The following LAIR1 variants were observed in gnomAD, a reference collection of about 807,000 sequenced individuals.
LAIR1 encodes the protein leukocyte associated immunoglobulin like receptor 1, also known as leukocyte-associated immunoglobulin-like receptor 1.
In LAIR1, 24 loss-of-function variants were observed where a neutral mutation model predicts 32.8. That is an observed-to-expected ratio of 0.73 (90% CI 0.53 to 1.03). The LOEUF (loss-of-function observed/expected upper bound fraction) is 1.03. Among genes scored for constraint, LAIR1 ranks in the 50% least tolerant of loss-of-function variants. LAIR1 has a pLI of 0.00. For synonymous variants in LAIR1, 150 were observed against 140.5 expected (o/e 1.07, Z -0.48); for missense variants, 355 against 347.5 (o/e 1.02, Z -0.17).
rs1436844742 is a variant in LAIR1, at chr19:54,351,785, C to T, written c.*3483G>A. 5.9e-5 allele frequency: 9 copies of T among 151,884 alleles called. No individual in the cohort carries two copies. Among genetic ancestry groups the T allele is most frequent in the Non-Finnish European group, 1.0e-4 (7 of 67,990 alleles). 9.4% of individuals were successfully genotyped at this position (151,884 alleles called of 1,614,324 possible). A position where few individuals can be genotyped will look rare whatever the true frequency, so the allele number is the denominator to read the frequency against. On this transcript the variant is annotated 3_prime_UTR_variant, in exon 10 of 10. Coordinates refer to ENST00000391742, the MANE Select transcript of LAIR1 (RefSeq NM_002287.6). ...ATGGGGCTATGACAGAGAAGGTAGA[C>T]GAGGTGTTGGGCAGCCCTGGACACC...
chr19:54,375,121 G>C (rs2082478317), upstream of LAIR1, among the ~76,000 whole-genome samples: 1 of 152,224 alleles, frequency 6.6e-6, no homozygotes, highest in Non-Finnish European at 1.5e-5. Context: ...AGCCTGGGCT[G>C]CGAAGCCTGA....
In LAIR1 at chr19:54,354,938, G is replaced by C. The variant is rs1460038050; in HGVS notation, c.*330C>G. 3 of 266,466 alleles carry C rather than the reference G, an allele frequency of 1.1e-5. No individual in the cohort carries two copies. The highest frequency in any genetic ancestry group is 2.1e-5 in the Non-Finnish European group (3 of 142,100). 16.5% of individuals were successfully genotyped at this position (266,466 alleles called of 1,614,324 possible). ...TGGCTGTAGCTGGGCCTTTAGAACA[G>C]GCAGGTGACTTTAGCTGGGTCTCTG... On this transcript the variant is annotated 3_prime_UTR_variant, in exon 10 of 10. Coordinates refer to ENST00000391742, the MANE Select transcript of LAIR1 (RefSeq NM_002287.6).
chr19:54,371,073 A>C (rs1414658628), upstream of LAIR1, among the ~76,000 whole-genome samples: 8 of 151,296 alleles, frequency 5.3e-5, no homozygotes, highest in Non-Finnish European at 1.2e-4. Context: ...CATGTAAAAA[A>C]AAATCAACGT....
upstream of LAIR1, among the ~76,000 whole-genome samples, chr19:54,372,527 G>A (rs1009582704): frequency 9.9e-5 from 13 of 131,392 alleles, no homozygotes; most frequent in Non-Finnish European, 3.1e-5. Flanking sequence ...GTCTCACTCT[G>A]TCACCCAGGC....
In LAIR1 at chr19:54,364,279, C is replaced by A; in HGVS notation, c.70+16G>T. ...GACAGAGGGGACTGGGAAGATGGGA[C>A]GAAGGCATGACTTACCCTCCTGCGT... On this transcript the variant is annotated intron_variant, in intron 2 of 9. Transcript: ENST00000391742. This position sits in a 1 kb window ranked among gnomAD's most constrained non-coding sequence, Gnocchi z 4.8. The A allele has an allele frequency of 2.5e-6, 4 of 1,610,644 alleles. No individual in the cohort carries two copies. The highest frequency in any genetic ancestry group is 3.4e-6 in the Non-Finnish European group (4 of 1,177,258).
upstream of LAIR1, among the ~76,000 whole-genome samples, chr19:54,372,631 C>G (rs1416344913): frequency 1.3e-5 from 2 of 150,442 alleles, no homozygotes; most frequent in Admixed American, 6.6e-5. Flanking sequence ...ACTGGGATTA[C>G]AGGCATGCAC....
rs1200742668 is a variant in LAIR1 at position 54,364,654 on chromosome 19, G to A, written c.34+117C>T. ...CCAGGGAGAGCAGCAGGGCAGTCTT[G>A]GGAGGAGGAGGACACTTTCCTCCCC... is the stretch of plus-strand genomic sequence containing the variant. On this transcript the variant is annotated intron_variant, in intron 1 of 9. Coordinates refer to ENST00000391742, the MANE Select transcript of LAIR1 (RefSeq NM_002287.6). The surrounding 1 kb of genome is among the most constrained non-coding windows in gnomAD (Gnocchi z 4.8). 2.9e-5 allele frequency: 27 copies of A among 946,604 alleles called. No individual in the cohort carries two copies. Among genetic ancestry groups the A allele is most frequent in the Non-Finnish European group, 4.2e-5 (24 of 577,660 alleles). The allele number at this position is 946,604 out of a possible 1,614,324, so 58.6% of individuals were successfully genotyped here.
intron 2 of LAIR1, among the ~76,000 whole-genome samples, chr19:54,361,708 G>A (rs1193426446): frequency 6.8e-6 from 1 of 146,676 alleles, no homozygotes; most frequent in East Asian, 2.0e-4. Context: ...TTGAGGGTCT[G>A]GTGGGGTGAG....
chr19:54,371,705 A>C (rs1354968473), upstream of LAIR1, among the ~76,000 whole-genome samples: 1 of 151,612 alleles, frequency 6.6e-6, no homozygotes, highest in Non-Finnish European at 1.5e-5. Flanking sequence ...TAATGATGAA[A>C]TCATCATTCA....
rs759349903 is a variant in LAIR1, at chr19:54,358,569, C to A, written c.415+1453G>T. On this transcript the variant is annotated intron_variant, in intron 4 of 9. Coordinates refer to ENST00000391742, the MANE Select transcript of LAIR1 (RefSeq NM_002287.6). ...CATTGAAGTTCACAAGACGGGAGGC[C>A]ATTTCTCCTCATTCTTGGTGCATCA... 1.9e-6 allele frequency: 3 copies of A among 1,609,810 alleles called. No individual in the cohort carries two copies. In the African/African-American group the frequency reaches 4.1e-5, roughly 22 times the overall value.
intron 8 of LAIR1, 53 bp downstream of exon 8, chr19:54,356,177 C>A (rs2081693395): frequency 6.8e-7 from 1 of 1,480,646 alleles, no homozygotes; most frequent in Non-Finnish European, 9.3e-7. Context: ...TCTGGATTGG[C>A]ACCAAGTCCC....
chr19:54,363,136 C>G (rs2082104629), intron 2 of LAIR1, among the ~76,000 whole-genome samples: 1 of 151,706 alleles, frequency 6.6e-6, no homozygotes, highest in Admixed American at 6.6e-5. Flanking sequence ...ATCGCCAGTC[C>G]CTGGGGTCAG....
chr19:54,355,021 G>C lies in LAIR1; in HGVS notation c.*247C>G, dbSNP rs529702973. The stretch of plus-strand genomic sequence containing the variant: ...GAAACAGCCAGGGAACTGTAGCTGG[G>C]TCTCTGGAAATAACTGAGAAACAGT... On this transcript the variant is annotated 3_prime_UTR_variant, in exon 10 of 10. Coordinates refer to ENST00000391742, the MANE Select transcript of LAIR1 (RefSeq NM_002287.6). This position sits in a 1 kb window ranked among gnomAD's most constrained non-coding sequence, Gnocchi z 4.7. 21 of 403,108 alleles carry C rather than the reference G, an allele frequency of 5.2e-5. No individual in the cohort carries two copies. The highest frequency in any genetic ancestry group is 8.8e-5 in the Non-Finnish European group (20 of 227,776). 25.0% of individuals were successfully genotyped at this position (403,108 alleles called of 1,614,324 possible). A position where few individuals can be genotyped will look rare whatever the true frequency, so the allele number is the denominator to read the frequency against.
rs185218606 is a variant in LAIR1 at position 54,364,911 on chromosome 19, T to C, written c.-107A>G. 2,831 of 1,601,766 alleles carry C rather than the reference T, an allele frequency of 1.8e-3. 4 individuals are homozygous for C. The highest frequency in any genetic ancestry group is 5.0e-3 in the African/African-American group (375 of 74,752). On this transcript the variant is annotated 5_prime_UTR_variant, in exon 1 of 10. In the 5' UTR this introduces an upstream ATG that the reference lacks. Coordinates refer to ENST00000391742, the MANE Select transcript of LAIR1 (RefSeq NM_002287.6). This position sits in a 1 kb window ranked among gnomAD's most constrained non-coding sequence, Gnocchi z 4.8. Reference sequence around the variant, plus strand: ...ATGTGCTGCCCGGGGGCCTCCTGCCTATGGGGCTTCCACAGCAACTGCCTC... The same window carrying C: ...ATGTGCTGCCCGGGGGCCTCCTGCCCATGGGGCTTCCACAGCAACTGCCTC...
chr19:54,366,060 G>T (rs2082243085), upstream of LAIR1, among the ~76,000 whole-genome samples: 2 of 152,156 alleles, frequency 1.3e-5, no homozygotes, highest in Admixed American at 1.3e-4. Flanking sequence ...CAGGAGATCT[G>T]CAAAGTCACC....
chr19:54,367,167 G>A (rs766221547), upstream of LAIR1, among the ~76,000 whole-genome samples: 2 of 152,174 alleles, frequency 1.3e-5, no homozygotes, highest in African/African-American at 4.8e-5. Flanking sequence ...ATTAAAAGAT[G>A]AGTTTGCATC....
chr19:54,361,329 C>T (rs911517131), intron 2 of LAIR1, 120 bp from the exon 3 acceptor site: 3 of 1,067,420 alleles, frequency 2.8e-6, no homozygotes, highest in Non-Finnish European at 4.2e-6. Flanking sequence ...GCAGCCATGA[C>T]CACAGCCCAA....
At chr19:54,366,552 G>A (rs1013760135), upstream of LAIR1, among the ~76,000 whole-genome samples, 1 of 151,962 alleles carries the variant, frequency 6.6e-6, no homozygotes. Flanking sequence ...GAAGCAGTGC[G>A]ATCTCGGCTC....
upstream of LAIR1, among the ~76,000 whole-genome samples, chr19:54,375,224 G>A (rs1486321081): frequency 1.3e-5 from 2 of 152,122 alleles, no homozygotes; most frequent in African/African-American, 2.4e-5. Flanking sequence ...CATGGGCCCA[G>A]GGAGAGAGCT....
Sources: allele counts gnomAD v4.1 joint callset (sites outside exome capture counted in the v4.1 genomes callset), GRCh38; gene constraint gnomAD v4.1.1; non-coding constraint Gnocchi (gnomAD v3.1); transcripts MANE v1.5; gene names NCBI Gene and HGNC (gene_info 2026-07-23, HGNC 2026-07-21).